Variants in SND1 observed in about 807,000 individuals in gnomAD.
SND1 encodes the protein staphylococcal nuclease domain-containing protein 1.
In SND1, 38 loss-of-function variants were observed where a neutral mutation model predicts 121.7. The ratio of observed to expected loss-of-function variants is 0.31; its 90% CI spans 0.24 to 0.41. The LOEUF is 0.41. Among genes scored for constraint, SND1 ranks in the 10% least tolerant of loss-of-function variants. SND1 has a pLI of 1.00. For missense variants in SND1, 868 were observed against 1,184.6 expected, an observed-to-expected ratio of 0.73 and a Z score of 3.92; for synonymous variants, 401 against 447.4, an observed-to-expected ratio of 0.90 and a Z score of 1.31.
chr7:128,053,248 T>C (rs1397547053), intron 16 of SND1, among the ~76,000 whole-genome samples: 1 of 152,252 alleles, frequency 6.6e-6, no homozygotes, highest in East Asian at 1.9e-4. Flanking sequence ...TAGCTGCTTC[T>C]GTTTCCTCTT....
intron 16 of SND1, chr7:127,999,684 C>T (rs1158994843): frequency 6.6e-6 from 1 of 152,138 alleles, no homozygotes; most frequent in Non-Finnish European, 1.5e-5. Context: ...AATGCATGTA[C>T]TGGATCACAT....
intron 16 of SND1, among the ~76,000 whole-genome samples, chr7:128,025,154 T>TA (rs1415254259): frequency 6.6e-6 from 1 of 152,190 alleles, no homozygotes; most frequent in East Asian, 1.9e-4. Context: ...AGTCAGGCCT[T>TA]AGAGGGCAGT....
chr7:127,904,607 A>C (rs1800297703), intron 13 of SND1, 140 bp from the exon 14 acceptor site: 1 of 577,710 alleles, frequency 1.7e-6, no homozygotes, highest in South Asian at 2.2e-5. Context: ...CAGACTGGCT[A>C]CTCAGCAGTG....
chr7:127,780,797 A>G (rs1293019656), intron 10 of SND1, among the ~76,000 whole-genome samples: 1 of 152,250 alleles, frequency 6.6e-6, no homozygotes, highest in Non-Finnish European at 1.5e-5. Flanking sequence ...CTATTTGGTC[A>G]TTTAGAGCAC....
chr7:128,090,584 T>C (rs1218368637), intron 22 of SND1, among the ~76,000 whole-genome samples: 1 of 152,216 alleles, frequency 6.6e-6, no homozygotes, highest in Non-Finnish European at 1.5e-5. Flanking sequence ...TCTCCCTATG[T>C]TCCTTCAGAG....
At chr7:127,933,722 T>A (rs967172626) in intron 15 of SND1, among the ~76,000 whole-genome samples, 1 of 152,234 alleles carries the variant, frequency 6.6e-6, no homozygotes, top group Non-Finnish European at 1.5e-5. Context: ...AACTAGAGTT[T>A]ACCTTGCCCC....
intron 16 of SND1, among the ~76,000 whole-genome samples, chr7:128,004,580 C>T (rs761234459): frequency 3.3e-5 from 5 of 152,216 alleles, no homozygotes; most frequent in Non-Finnish European, 5.9e-5. Context: ...GAGTAGAGTA[C>T]TGACTTTGGC....
At chr7:127,958,552 G>C (rs983657500) in intron 15 of SND1, among the ~76,000 whole-genome samples, 2 of 152,176 alleles carry the variant, frequency 1.3e-5, no homozygotes, top group Non-Finnish European at 2.9e-5. Context: ...GTCATGTAAG[G>C]CTAGAGTCCG....
intron 1 of SND1, among the ~76,000 whole-genome samples, chr7:127,660,118 T>G (rs1293786407): frequency 6.7e-6 from 1 of 150,236 alleles, no homozygotes; most frequent in Admixed American, 6.7e-5. Context: ...GATTGAATGG[T>G]GGGGTGGAGA....
chr7:127,975,424 CGT>C (rs66757341), intron 15 of SND1, among the ~76,000 whole-genome samples: 5,854 of 147,420 alleles, frequency 0.04, 119 homozygotes, highest in East Asian at 0.076. Context: ...TGACTCCCCT[CGT>C]GTGTGTGTGT....
intron 11 of SND1, among the ~76,000 whole-genome samples, chr7:127,834,430 G>C: frequency 6.6e-6 from 1 of 152,190 alleles, no homozygotes. Context: ...CCTGTTCACT[G>C]TTTTCCAAAA....
chr7:128,091,618 C>T (rs934671052), intron 22 of SND1, among the ~76,000 whole-genome samples: 1 of 152,118 alleles, frequency 6.6e-6, no homozygotes, highest in Admixed American at 6.5e-5. Context: ...ACCAGAGGAG[C>T]GTTCCAGGCA....
Position 128,086,670 on chromosome 7 carries a change from T to A in SND1, c.2305-268T>A, listed in dbSNP as rs966843089. 3 of 545,868 alleles carry A rather than the reference T, an allele frequency of 5.5e-6. No individual in the cohort carries two copies. In the South Asian group the frequency reaches 6.0e-5, roughly 11 times the overall value. 33.8% of individuals were successfully genotyped at this position (545,868 alleles called of 1,614,324 possible). On this transcript the variant is annotated intron_variant, in intron 20 of 23. Coordinates refer to ENST00000354725, the MANE Select transcript of SND1 (RefSeq NM_014390.4). Reference sequence around the variant, plus strand: ...TGGAAAAGCGATTAGAGTCCAGTTATACTGCGATTGTTTTCATGGGAACCA... The same window carrying A: ...TGGAAAAGCGATTAGAGTCCAGTTAAACTGCGATTGTTTTCATGGGAACCA...
intron 15 of SND1, among the ~76,000 whole-genome samples, chr7:127,963,241 A>G (rs1419013662): frequency 1.4e-5 from 2 of 138,098 alleles, no homozygotes; most frequent in East Asian, 2.1e-4. Flanking sequence ...CTAGAGCGGC[A>G]TATTTCTTTT....
intron 10 of SND1, among the ~76,000 whole-genome samples, chr7:127,737,547 C>T (rs1415761925): frequency 6.6e-6 from 1 of 152,158 alleles, no homozygotes; most frequent in Non-Finnish European, 1.5e-5. Context: ...TGCACTCCAG[C>T]CTGGGCGATA....
chr7:127,686,724 G>T lies in SND1; in HGVS notation c.190G>T (p.Ala64Ser), dbSNP rs1186406725. ...TGCTGGAAATCTTGCTCGCCGGGCA[G>T]CCGCCACACAACCTGATGCAAAGGA... is the stretch of plus-strand genomic sequence containing the variant. ...IRAGNLARRA[A>S]ATQPDAKDTP... The change falls in exon 2 of 24, where the codon GCC (alanine) becomes TCC (serine). Residue 64 changes from alanine (A) to serine (S), a missense_variant. Around this residue, in one of 2 missense-constraint regions of SND1, gnomAD observed 125 missense variants for 113.3 expected, o/e 1.10. Coordinates refer to ENST00000354725, the MANE Select transcript of SND1 (RefSeq NM_014390.4). 1 of 1,614,034 alleles carries T rather than the reference G, an allele frequency of 6.2e-7. No individual in the cohort carries two copies. The highest frequency in any genetic ancestry group is 8.5e-7 in the Non-Finnish European group (1 of 1,180,020).
chr7:128,081,345 C>T lies in SND1; in HGVS notation c.1969-15C>T, dbSNP rs373841192. On this transcript the variant is annotated splice_polypyrimidine_tract_variant and intron_variant, in intron 17 of 23. Transcript: ENST00000354725. ...TTCCTCGCCCTCTTCTCACCTCTGC[C>T]GACTGAACATGCAGGTCTGGGCCCA... The T allele has an allele frequency of 2.9e-5, 46 of 1,613,844 alleles. No individual in the cohort carries two copies. The highest frequency in any genetic ancestry group is 2.2e-4 in the East Asian group (10 of 44,878).
At chr7:127,933,564 G>A (rs900286822) in intron 15 of SND1, among the ~76,000 whole-genome samples, 1 of 152,178 alleles carries the variant, frequency 6.6e-6, no homozygotes, top group Non-Finnish European at 1.5e-5. Context: ...CCCTCTTCAA[G>A]CCTCAGTTTA....
At chr7:127,858,544 C>T (rs1799324759) in intron 12 of SND1, 1 of 429,890 alleles carries the variant, frequency 2.3e-6, no homozygotes. Flanking sequence ...TCTAAAGCAG[C>T]TGCCACAATC....
Sources: gnomAD v4.1 joint callset for allele counts (sites outside exome capture counted in the v4.1 genomes callset) on GRCh38, gnomAD v4.1.1 for gene constraint, gnomAD v4.1.1 regional missense constraint, MANE v1.5 for transcripts, NCBI Gene and HGNC (gene_info 2026-07-23, HGNC 2026-07-21) for gene names.